The following GRIA1 variants were observed in gnomAD, a reference collection of about 807,000 sequenced individuals.
GRIA1 encodes the protein glutamate receptor 1.
A neutral mutation model predicts 99.2 loss-of-function variants in GRIA1; 31 were observed. That is an observed-to-expected ratio of 0.31 (90% CI 0.23 to 0.42). GRIA1 has a LOEUF of 0.42. Among genes scored for constraint, GRIA1 ranks in the 10% least tolerant of loss-of-function variants. The pLI is 1.00. For missense variants in GRIA1, 782 were observed against 1,157.5 expected (o/e 0.68, Z 4.71); for synonymous variants, 438 against 432.4 (o/e 1.01, Z -0.16).
At chr5:153,627,529 G>A (rs1767747492) in intron 2 of GRIA1, among the ~76,000 whole-genome samples, 1 of 152,078 alleles carries the variant, frequency 6.6e-6, no homozygotes, top group African/African-American at 2.4e-5. Flanking sequence ...AGAGGAATCA[G>A]TCTTTCTTCC....
intron 2 of GRIA1, among the ~76,000 whole-genome samples, chr5:153,554,085 T>C (rs780755609): frequency 2.4e-4 from 36 of 152,208 alleles, no homozygotes; most frequent in Non-Finnish European, 3.7e-4. Context: ...TTATAAGTGG[T>C]TCAAAACTCT....
At chr5:153,510,633 A>T (rs1451782132) in intron 2 of GRIA1, among the ~76,000 whole-genome samples, 1 of 152,178 alleles carries the variant, frequency 6.6e-6, no homozygotes, top group Non-Finnish European at 1.5e-5. Flanking sequence ...TTCAGACTAG[A>T]GAAGGCTTTG....
intron 2 of GRIA1, among the ~76,000 whole-genome samples, chr5:153,518,211 T>A (rs1756809832): frequency 6.6e-6 from 1 of 152,222 alleles, no homozygotes; most frequent in South Asian, 2.1e-4. Flanking sequence ...GCATTTTTTT[T>A]AAATAGCCCA....
chr5:153,689,841 A>T (rs574263784), intron 8 of GRIA1, among the ~76,000 whole-genome samples: 1 of 152,128 alleles, frequency 6.6e-6, no homozygotes, highest in Non-Finnish European at 1.5e-5. Context: ...TGGGGCCTTC[A>T]TCAATTGACA....
At chr5:153,575,357 A>G (rs1186188295) in intron 2 of GRIA1, among the ~76,000 whole-genome samples, 1 of 152,206 alleles carries the variant, frequency 6.6e-6, no homozygotes, top group Non-Finnish European at 1.5e-5. Context: ...CAAATTAGGT[A>G]GTCTTATGTA....
At chr5:153,554,113 G>A (rs1760399989) in intron 2 of GRIA1, among the ~76,000 whole-genome samples, 1 of 152,208 alleles carries the variant, frequency 6.6e-6, no homozygotes, top group African/African-American at 2.4e-5. Flanking sequence ...TCTTTGATGG[G>A]TTGAGTTGTA....
chr5:153,596,547 G>A (rs1764448477), intron 2 of GRIA1, among the ~76,000 whole-genome samples: 1 of 152,142 alleles, frequency 6.6e-6, no homozygotes, highest in Non-Finnish European at 1.5e-5. Context: ...AGGTTGCACA[G>A]GTACAAATGG....
chr5:153,491,237 C>A (rs1753885781), intron 1 of GRIA1: 1 of 1,311,460 alleles, frequency 7.6e-7, no homozygotes, highest in Non-Finnish European at 9.7e-7. Context: ...GGAACCATCG[C>A]TTTGGAGGAA....
intron 2 of GRIA1, among the ~76,000 whole-genome samples, chr5:153,618,208 A>G (rs906253654): frequency 6.6e-6 from 1 of 152,226 alleles, no homozygotes; most frequent in African/African-American, 2.4e-5. Flanking sequence ...CAAACTTTCT[A>G]GTTAAGAATG....
intron 5 of GRIA1, among the ~76,000 whole-genome samples, chr5:153,662,822 GCAGAGACAGAGA>G (rs891734127): frequency 1.3e-5 from 2 of 152,178 alleles, no homozygotes. Flanking sequence ...TGGGGCAGGA[GCAGAGACAGAGA>G]CAGAGACAGA....
intron 2 of GRIA1, among the ~76,000 whole-genome samples, chr5:153,604,213 A>G (rs891254716): frequency 3.9e-5 from 6 of 152,126 alleles, no homozygotes; most frequent in African/African-American, 1.4e-4. Flanking sequence ...GTCTCTATAT[A>G]CAAATAAAGT....
intron 2 of GRIA1, among the ~76,000 whole-genome samples, chr5:153,597,337 C>T (rs1764517927): frequency 6.6e-6 from 1 of 152,162 alleles, no homozygotes; most frequent in Admixed American, 6.5e-5. Flanking sequence ...ATCCTGCACC[C>T]CATTTTGCAA....
chr5:153,592,495 G>A (rs1288014805), intron 2 of GRIA1, among the ~76,000 whole-genome samples: 1 of 152,218 alleles, frequency 6.6e-6, no homozygotes, highest in Non-Finnish European at 1.5e-5. Context: ...CTCATCACTA[G>A]TTGGTAGGAC....
At chr5:153,617,570 G>A (rs1766623942) in intron 2 of GRIA1, among the ~76,000 whole-genome samples, 1 of 152,172 alleles carries the variant, frequency 6.6e-6, no homozygotes, top group African/African-American at 2.4e-5. Context: ...CCTTGTGACT[G>A]GGATTAGGGA....
chr5:153,611,658 G>A (rs574139128), intron 2 of GRIA1, among the ~76,000 whole-genome samples: 1 of 152,264 alleles, frequency 6.6e-6, no homozygotes, highest in South Asian at 2.1e-4. Context: ...AAAGTCGGAG[G>A]CAGCTTTTTA....
intron 11 of GRIA1, among the ~76,000 whole-genome samples, chr5:153,743,135 A>C (rs1474561743): frequency 6.6e-6 from 1 of 152,218 alleles, no homozygotes; most frequent in Admixed American, 6.5e-5. Context: ...AATAGAGAGG[A>C]GAAAAGTGGA....
intron 12 of GRIA1, among the ~76,000 whole-genome samples, chr5:153,765,124 G>A (rs1276569848): frequency 1.3e-5 from 2 of 152,148 alleles, no homozygotes; most frequent in African/African-American, 4.8e-5. Flanking sequence ...TGCCAGGAGA[G>A]AGAGAAAATG....
intron 5 of GRIA1, among the ~76,000 whole-genome samples, chr5:153,674,166 A>G (rs765753864): frequency 6.6e-6 from 1 of 152,232 alleles, no homozygotes; most frequent in African/African-American, 2.4e-5. Context: ...CATGCACTTG[A>G]CATGTGTCGT....
At chr5:153,612,968 T>G (rs778830) in intron 2 of GRIA1, among the ~76,000 whole-genome samples, 104,748 of 151,944 alleles carry the variant, frequency 0.69, 36,421 homozygotes, top group East Asian at 0.79. Context: ...ATTTATTTTT[T>G]ATTTTCTCTG....
Sources: allele counts gnomAD v4.1 joint callset (sites outside exome capture counted in the v4.1 genomes callset), GRCh38; gene constraint gnomAD v4.1.1; transcripts MANE v1.5; gene names NCBI Gene and HGNC (gene_info 2026-07-23, HGNC 2026-07-21).